The following DNAH10 variants were observed in gnomAD, a reference collection of about 807,000 sequenced individuals.
DNAH10 encodes dynein axonemal heavy chain 10.
DNAH10 carries 348 observed loss-of-function variants against 506.6 expected under a neutral mutation model. The ratio of observed to expected loss-of-function variants is 0.69; its 90% CI spans 0.63 to 0.75. DNAH10 has a LOEUF of 0.75. Among genes scored for constraint, DNAH10 ranks in the 30% least tolerant of loss-of-function variants. DNAH10 has a pLI of 0.00. For synonymous variants in DNAH10, 2,059 were observed against 2,198.6 expected (o/e 0.94, Z 1.78); for missense variants, 5,179 against 5,787.1 (o/e 0.89, Z 3.41).
At chr12:123,906,617 A>G (rs1566080533) in intron 57 of DNAH10, among the ~76,000 whole-genome samples, 1 of 152,086 alleles carries the variant, frequency 6.6e-6, no homozygotes, top group Non-Finnish European at 1.5e-5. Flanking sequence ...TAATTTCCCC[A>G]TGATTTCTTT....
intron 13 of DNAH10, among the ~76,000 whole-genome samples, 200 bp downstream of exon 13, chr12:123,797,032 G>T (rs1002266259): frequency 6.6e-6 from 1 of 152,098 alleles, no homozygotes. Flanking sequence ...CACCACGTCC[G>T]GCTAATTTTT....
chr12:123,934,256 G>A, intron 77 of DNAH10: 1 of 698,924 alleles, frequency 1.4e-6, no homozygotes. Context: ...CAGGGTAGCT[G>A]GGGTTGCCAT....
intron 2 of DNAH10, among the ~76,000 whole-genome samples, chr12:123,770,992 T>TTTTTTTTA (rs1957232784): frequency 6.6e-6 from 1 of 150,526 alleles, no homozygotes; most frequent in African/African-American, 2.5e-5. Context: ...TTTTTTTTTT[T>TTTTTTTTA]GAGATGGAGT....
chr12:123,865,712 C>T (rs886317052), intron 40 of DNAH10, among the ~76,000 whole-genome samples: 23 of 152,082 alleles, frequency 1.5e-4, no homozygotes, highest in African/African-American at 3.9e-4. Flanking sequence ...TATTCTACAA[C>T]GTATTAATTT....
chr12:123,819,291 G>A (rs560656334), intron 23 of DNAH10, 41 bp downstream of exon 23: 3 of 1,474,432 alleles, frequency 2.0e-6, no homozygotes, highest in African/African-American at 1.4e-5. Context: ...GATCTGAGTA[G>A]CAAATGTTTG....
intron 19 of DNAH10, among the ~76,000 whole-genome samples, chr12:123,809,400 C>A (rs1309990281): frequency 6.6e-6 from 1 of 152,152 alleles, no homozygotes; most frequent in East Asian, 1.9e-4. Flanking sequence ...TATCCTAGCA[C>A]TTTGGGAGGC....
intron 54 of DNAH10, among the ~76,000 whole-genome samples, chr12:123,896,719 G>GA (rs60387471): frequency 0.24 from 21,700 of 92,040 alleles, 1,861 homozygotes; most frequent in East Asian, 0.44. Flanking sequence ...CCTGTCTCAA[G>GA]AAAAAAAAAA....
chr12:123,931,669 A>G lies in DNAH10; in HGVS notation c.12950A>G (p.Tyr4317Cys), dbSNP rs1046786247. The change falls in exon 75 of 79, where the codon TAT (tyrosine) becomes TGT (cysteine). Residue 4317 changes from tyrosine to cysteine, a missense_variant. Around this residue, in one of 3 missense-constraint regions of DNAH10, gnomAD observed 4,844 missense variants for 5,430.5 expected, o/e 0.89. Coordinates refer to ENST00000673944, the MANE Select transcript of DNAH10 (RefSeq NM_001372106.1). ...AGCAGTGGTATCAGCCGCGATGATT[A>G]TATTGGCCAAGTGGCCAAAGAAATA... ...ESSSGISRDD[Y>C]IGQVAKEIEN... is the part of the protein sequence containing the mutation. 2.5e-6 allele frequency: 4 copies of G among 1,614,048 alleles called. No homozygotes were observed. The highest frequency in any genetic ancestry group is 2.7e-5 in the African/African-American group (2 of 75,064).
At position 123,794,110 on chromosome 12, in the gene DNAH10, G is replaced by T; in HGVS notation, c.1984G>T (p.Glu662Ter). ...TGATATTCTTGCACAGTACTGTAAA[G>T]AGGTAATTGAAAAATCGATAGCTGC... ...FNDILAQYCK[E>*]IDIINKIFVQ... Residue 662 changes from glutamate to a stop codon, truncating the protein, a stop_gained and splice_region_variant, in exon 12 of 79, where the codon GAG becomes TAG. Coordinates refer to ENST00000673944, the MANE Select transcript of DNAH10 (RefSeq NM_001372106.1). LOFTEE classifies it high-confidence loss of function. 1 of 1,185,942 alleles carries T rather than the reference G, an allele frequency of 8.4e-7. No homozygotes were observed. Among genetic ancestry groups the T allele is most frequent in the Non-Finnish European group, 1.1e-6 (1 of 933,628 alleles). The allele number at this position is 1,185,942 out of a possible 1,614,324, so 73.5% of individuals were successfully genotyped here.
rs1951519127 is a variant in DNAH10, at chr12:123,859,210, G to A, written c.6691G>A (p.Gly2231Arg). ...MLTRHTTMVV[G>R]PTRGGKSVVI... ...AACCCGCCACACGACGATGGTGGTG[G>A]GGCCCACCAGAGGGGGCAAGTCCGT... Residue 2231 changes from glycine to arginine, a missense_variant, in exon 38 of 79, where the codon GGG becomes AGG. Gly to Arg is a moderately radical substitution (Grantham distance 125, BLOSUM62 -2). Around this residue, in one of 3 missense-constraint regions of DNAH10, gnomAD observed 4,844 missense variants for 5,430.5 expected, o/e 0.89. Coordinates refer to ENST00000673944, the MANE Select transcript of DNAH10 (RefSeq NM_001372106.1). 1 of 1,611,966 alleles carries A rather than the reference G, an allele frequency of 6.2e-7. No homozygotes were observed. The highest frequency in any genetic ancestry group is 8.5e-7 in the Non-Finnish European group (1 of 1,179,260).
Position 123,826,554 on chromosome 12 carries a change from A to T in DNAH10, c.4180-133A>T, listed in dbSNP as rs181931877. 272 of 679,906 alleles carry T rather than the reference A, an allele frequency of 4.0e-4. 1 individual carries two copies. Among genetic ancestry groups the T allele is most frequent in the Middle Eastern group, 3.9e-3 (9 of 2,292 alleles). The allele number at this position is 679,906 out of a possible 1,614,324, so 42.1% of individuals were successfully genotyped here. ...CCTTGTAGTCAACCTCTTGTTTGTG[A>T]ATTTCAGGTAGTTGTAGATAGATGG... On this transcript the variant is annotated intron_variant, in intron 24 of 78. Transcript: ENST00000673944.
intron 1 of DNAH10, among the ~76,000 whole-genome samples, chr12:123,765,735 CATCT>C (rs1482538215): frequency 1.3e-5 from 2 of 149,416 alleles, no homozygotes; most frequent in Non-Finnish European, 3.0e-5. Flanking sequence ...ATCATCTATC[CATCT>C]ATCAATTATC....
chr12:123,853,860 GCA>G lies in DNAH10; in HGVS notation c.6438+518_6438+519del, dbSNP rs10595799. 0.31 allele frequency among the ~76,000 whole-genome samples: 46,621 copies of G among 148,086 alleles called. 7,316 individuals are homozygous for G. Among genetic ancestry groups the G allele is most frequent in the Middle Eastern group, 0.42 (120 of 288 alleles). ...CGCACACGCACGGACACACGCACGC[GCA>G]CACACACACGGATACATGCACGCGC... On this transcript the variant is annotated intron_variant, in intron 36 of 78. Transcript: ENST00000673944. This position sits in a 1 kb window ranked among gnomAD's most constrained non-coding sequence, Gnocchi z 4.7.
At chr12:123,849,120 T>C (rs908362480) in intron 34 of DNAH10, among the ~76,000 whole-genome samples, 2 of 152,196 alleles carry the variant, frequency 1.3e-5, no homozygotes, top group Non-Finnish European at 2.9e-5. Flanking sequence ...CCAATAGTTA[T>C]GAATGGGCGT....
At chr12:123,914,662 G>T (rs1954385332) in intron 61 of DNAH10, 112 bp downstream of exon 61, 3 of 1,412,062 alleles carry the variant, frequency 2.1e-6, no homozygotes, top group Admixed American at 2.3e-5. Context: ...CAGGACCACA[G>T]TTGGCTCGAC....
In DNAH10 at chr12:123,861,175, G is replaced by A; in HGVS notation, c.6908+5G>A. 6.2e-7 allele frequency: 1 copy of A among 1,613,478 alleles called. No homozygotes were observed. The highest frequency in any genetic ancestry group is 8.5e-7 in the Non-Finnish European group (1 of 1,179,726). ...AACAGACAAGAAGGAGCGAAAGTGAGTATCTTTGTAGGTAGGAAAGAGCCT... is the reference window on the plus strand; with the variant it reads ...AACAGACAAGAAGGAGCGAAAGTGAATATCTTTGTAGGTAGGAAAGAGCCT... On this transcript the variant is annotated splice_donor_5th_base_variant and intron_variant, in intron 39 of 78. Transcript: ENST00000673944.
Position 123,774,155 on chromosome 12 carries a change from T to C in DNAH10, c.512T>C (p.Ile171Thr). ...TACACCTGTTCTTCTTTAGAGGCAA[T>C]CTCTGAAGCTACCGACATGAAGGAA... ...VFFLRNTKEA[I>T]SEATDMKEAM... is the part of the protein sequence containing the mutation. The change falls in exon 5 of 79, where the codon ATC (isoleucine) becomes ACC (threonine). Residue 171 changes from isoleucine to threonine, a missense_variant. Transcript: ENST00000673944. 2.5e-6 allele frequency: 4 copies of C among 1,604,670 alleles called. No individual in the cohort carries two copies. Among genetic ancestry groups the C allele is most frequent in the Non-Finnish European group, 2.5e-6 (3 of 1,176,704 alleles).
At chr12:123,793,825 A>G (rs1958176715) in intron 11 of DNAH10, 117 bp from the exon 12 acceptor site, 1 of 788,494 alleles carries the variant, frequency 1.3e-6, no homozygotes, top group East Asian at 7.6e-5. Flanking sequence ...AGTTTCCATT[A>G]CTTATGCCAT....
In DNAH10 at chr12:123,848,717, T is replaced by A; in HGVS notation, c.5950-13T>A. 1 of 1,613,834 alleles carries A rather than the reference T, an allele frequency of 6.2e-7. No individual in the cohort carries two copies. The highest frequency in any genetic ancestry group is 8.5e-7 in the Non-Finnish European group (1 of 1,179,756). ...TGAAAATTGCCCTTGTCCTGACATG[T>A]CTTTCTTCCTAGGCCGTGGGGAAGA... On this transcript the variant is annotated splice_polypyrimidine_tract_variant and intron_variant, in intron 33 of 78. Coordinates refer to ENST00000673944, the MANE Select transcript of DNAH10 (RefSeq NM_001372106.1).
Sources: gnomAD v4.1 joint callset for allele counts (sites outside exome capture counted in the v4.1 genomes callset) on GRCh38, gnomAD v4.1.1 for gene constraint, gnomAD v4.1.1 regional missense constraint, Gnocchi (gnomAD v3.1) non-coding constraint, MANE v1.5 for transcripts, NCBI Gene and HGNC (gene_info 2026-07-23, HGNC 2026-07-21) for gene names.